Variants in PARD3 observed in about 807,000 individuals in gnomAD.
PARD3 encodes the protein par-3 family cell polarity regulator.
A neutral mutation model predicts 155.4 loss-of-function variants in PARD3; 75 were observed. The ratio of observed to expected loss-of-function variants is 0.48; its 90% confidence interval spans 0.40 to 0.58. PARD3 has a LOEUF of 0.58. PARD3 is among the 20% of genes least tolerant of loss of function. PARD3 has a pLI of 0.00. For synonymous variants in PARD3, 576 were observed against 610.5 expected (o/e 0.94, Z 0.83); for missense variants, 1,642 against 1,721.7 (o/e 0.95, Z 0.82).
At chr10:34,745,340 TGACAGAGAAA>T (rs1489334704) in intron 1 of PARD3, among the ~76,000 whole-genome samples, 1 of 146,870 alleles carries the variant, frequency 6.8e-6, no homozygotes, top group Non-Finnish European at 1.5e-5. Flanking sequence ...CCAGCTTGGA[TGACAGAGAAA>T]GACCCTATAT....
chr10:34,433,830 A>T (rs979039610), intron 5 of PARD3, among the ~76,000 whole-genome samples: 1 of 152,226 alleles, frequency 6.6e-6, no homozygotes, highest in Admixed American at 6.5e-5. Flanking sequence ...AATGTATTCA[A>T]TAAAAGCATG....
At chr10:34,258,446 TG>T (rs1049127443) in intron 22 of PARD3, among the ~76,000 whole-genome samples, 100 of 152,234 alleles carry the variant, frequency 6.6e-4, no homozygotes, top group African/African-American at 2.3e-3. Context: ...GTGTGGGTTG[TG>T]ATTGCGTTTG....
intron 24 of PARD3, among the ~76,000 whole-genome samples, chr10:34,116,932 C>T (rs1014830165): frequency 1.3e-5 from 2 of 152,080 alleles, no homozygotes; most frequent in Non-Finnish European, 1.5e-5. Context: ...GAAGAGATGT[C>T]GGGGCTCAGA....
chr10:34,567,259 TG>T, intron 2 of PARD3, among the ~76,000 whole-genome samples: 1 of 152,232 alleles, frequency 6.6e-6, no homozygotes, highest in Non-Finnish European at 1.5e-5. Context: ...TGCGATGGAC[TG>T]ATTCTGCATG....
At chr10:34,777,850 C>A (rs1457880910) in intron 1 of PARD3, among the ~76,000 whole-genome samples, 1 of 152,030 alleles carries the variant, frequency 6.6e-6, no homozygotes, top group African/African-American at 2.4e-5. Context: ...GTTAATTAAT[C>A]AACTGATTCC....
chr10:34,401,511 G>A (rs1843879405), intron 6 of PARD3, among the ~76,000 whole-genome samples: 1 of 152,062 alleles, frequency 6.6e-6, no homozygotes, highest in African/African-American at 2.4e-5. Flanking sequence ...AAAGCAATCT[G>A]AAAAGAGTTA....
intron 1 of PARD3, among the ~76,000 whole-genome samples, chr10:34,793,947 G>A (rs531288542): frequency 6.6e-6 from 1 of 152,228 alleles, no homozygotes. Context: ...TAAGAAAAAT[G>A]GAATGTATTT....
chr10:34,600,332 G>C (rs749868028), intron 2 of PARD3, among the ~76,000 whole-genome samples: 2 of 151,880 alleles, frequency 1.3e-5, no homozygotes, highest in African/African-American at 4.8e-5. Flanking sequence ...GCGACAGAGC[G>C]AGACCCCGGT....
At chr10:34,223,927 G>A (rs1345194977) in intron 22 of PARD3, among the ~76,000 whole-genome samples, 3 of 152,306 alleles carry the variant, frequency 2.0e-5, no homozygotes, top group African/African-American at 7.2e-5. Context: ...GGTCTTCATG[G>A]CTCTAATCCC....
chr10:34,208,784 T>C (rs1951600900), intron 22 of PARD3, among the ~76,000 whole-genome samples: 1 of 152,140 alleles, frequency 6.6e-6, no homozygotes, highest in African/African-American at 2.4e-5. Flanking sequence ...GCTATCAGCA[T>C]GGTGTGGGGC....
chr10:34,177,133 C>G (rs1467154780), intron 22 of PARD3, among the ~76,000 whole-genome samples: 1 of 151,888 alleles, frequency 6.6e-6, no homozygotes, highest in African/African-American at 2.4e-5. Flanking sequence ...ATGTCTTGGT[C>G]TTACAATTTA....
chr10:34,279,050 C>T (rs1351968797), intron 21 of PARD3, among the ~76,000 whole-genome samples: 1 of 151,310 alleles, frequency 6.6e-6, no homozygotes, highest in African/African-American at 2.4e-5. Flanking sequence ...CATTTTCCTA[C>T]TTCATTTGCA....
intron 3 of PARD3, among the ~76,000 whole-genome samples, chr10:34,512,734 A>G (rs1023807734): frequency 2.0e-5 from 3 of 152,210 alleles, no homozygotes; most frequent in Admixed American, 2.0e-4. Flanking sequence ...TGACATGTCT[A>G]AACTGAGGAC....
At chr10:34,196,596 C>T (rs1355831817) in intron 22 of PARD3, among the ~76,000 whole-genome samples, 196 of 108,894 alleles carry the variant, frequency 1.8e-3, no homozygotes, top group African/African-American at 6.9e-3. Flanking sequence ...TTTTTTGAGA[C>T]GGAGTCTCGC....
At chr10:34,158,096 T>C (rs960351045) in intron 22 of PARD3, among the ~76,000 whole-genome samples, 1 of 152,238 alleles carries the variant, frequency 6.6e-6, no homozygotes, top group Non-Finnish European at 1.5e-5. Context: ...TTTCAAAGCC[T>C]GACAATGCAA....
chr10:34,313,952 T>C (rs1271264643), intron 20 of PARD3, among the ~76,000 whole-genome samples: 3 of 152,088 alleles, frequency 2.0e-5, no homozygotes, highest in Admixed American at 6.5e-5. Flanking sequence ...AGCTACAAGA[T>C]AGAAAGAAAA....
At chr10:34,495,511 G>A (rs2080216146) in intron 3 of PARD3, among the ~76,000 whole-genome samples, 1 of 152,078 alleles carries the variant, frequency 6.6e-6, no homozygotes, top group Non-Finnish European at 1.5e-5. Flanking sequence ...TGCTCCTGAT[G>A]TTAACTTACT....
chr10:34,746,342 G>C, intron 1 of PARD3, among the ~76,000 whole-genome samples: 1 of 151,664 alleles, frequency 6.6e-6, no homozygotes, highest in East Asian at 1.9e-4. Flanking sequence ...ACCACTACTC[G>C]GCAGGCTGAG....
At chr10:34,545,447 G>T (rs2083965618) in intron 2 of PARD3, among the ~76,000 whole-genome samples, 1 of 152,112 alleles carries the variant, frequency 6.6e-6, no homozygotes, top group African/African-American at 2.4e-5. Flanking sequence ...GTATCAGTAA[G>T]AAATTTGTTG....
Sources: allele counts gnomAD v4.1 joint callset (sites outside exome capture counted in the v4.1 genomes callset), GRCh38; gene constraint gnomAD v4.1.1; transcripts MANE v1.5; gene names NCBI Gene and HGNC (gene_info 2026-07-23, HGNC 2026-07-21).